The following DST variants were observed in gnomAD, a reference collection of about 807,000 sequenced individuals.
DST encodes the protein dystonin, also known as bullous pemphigoid antigen.
Under a neutral mutation model 875.2 loss-of-function variants are expected in DST, and 253 were observed. The ratio of observed to expected loss-of-function variants is 0.29; its 90% CI spans 0.26 to 0.32. The LOEUF (loss-of-function observed/expected upper bound fraction) is 0.32. DST is among the 10% of genes least tolerant of loss of function. The pLI, the probability that DST is intolerant of heterozygous loss-of-function variation, is 1.00. For synonymous variants in DST, 3,124 were observed against 3,197.1 expected (o/e 0.98, Z 0.77); for missense variants, 8,287 against 9,111.6 (o/e 0.91, Z 3.68).
Position 56,501,656 on chromosome 6 carries a change from A to C in DST, c.19604T>G (p.Met6535Arg). 1 of 1,607,400 alleles carries C rather than the reference A, an allele frequency of 6.2e-7. No homozygotes were observed. The highest frequency in any genetic ancestry group is 1.1e-5 in the South Asian group (1 of 89,756). ...CTCTGCTTGATGATTCAGTCTTTCC[A>C]TTTCTATCTGCTGTTGATAGGCCTC... ...KSEAYQQQIEMERLNHQAELL... is the reference protein window; with the variant it reads ...KSEAYQQQIERERLNHQAELL... The change falls in exon 79 of 104, where the codon ATG (methionine) becomes AGG (arginine). Residue 6535 changes from methionine (M) to arginine (R), a missense_variant. Around this residue, in one of 10 missense-constraint regions of DST, gnomAD observed 1,292 missense variants for 1,552.7 expected, o/e 0.83. Transcript: ENST00000680361.
At chr6:56,943,289 T>A (rs1817638667) in intron 2 of DST, among the ~76,000 whole-genome samples, 2 of 151,972 alleles carry the variant, frequency 1.3e-5, no homozygotes, top group South Asian at 4.2e-4. Context: ...TACGAAATAA[T>A]TCAGAATTAT....
At chr6:56,760,289 T>C (rs1191681310) in intron 4 of DST, among the ~76,000 whole-genome samples, 2 of 152,216 alleles carry the variant, frequency 1.3e-5, no homozygotes, top group African/African-American at 2.4e-5. Context: ...TTAAACAACT[T>C]TGAGAATGAA....
At chr6:56,665,279 A>C (rs1413629047) in intron 10 of DST, among the ~76,000 whole-genome samples, 1 of 152,202 alleles carries the variant, frequency 6.6e-6, no homozygotes, top group East Asian at 1.9e-4. Flanking sequence ...TCATTAATTA[A>C]GGTTAAATAA....
At position 56,640,130 on chromosome 6, in the gene DST, A is replaced by T; in HGVS notation, c.2490+13T>A. 2 of 1,613,754 alleles carry T rather than the reference A, an allele frequency of 1.2e-6. No homozygotes were observed. Among genetic ancestry groups the T allele is most frequent in the Non-Finnish European group, 1.7e-6 (2 of 1,179,708 alleles). ...AAGACTGAAACACTCAGGTAAAGTA[A>T]ACATTTTTTTACCTGCATCTCATCA... On this transcript the variant is annotated intron_variant, in intron 18 of 103. Transcript: ENST00000680361.
intron 80 of DST, among the ~76,000 whole-genome samples, chr6:56,500,690 G>A (rs539528344): frequency 6.6e-6 from 1 of 152,198 alleles, no homozygotes. Flanking sequence ...CATAAAACCT[G>A]CAGTAGGACA....
chr6:56,826,785 A>G (rs1364359866), intron 4 of DST, among the ~76,000 whole-genome samples: 2 of 152,196 alleles, frequency 1.3e-5, no homozygotes, highest in African/African-American at 4.8e-5. Context: ...GTCACGATAA[A>G]TATCTTTGCA....
intron 62 of DST, among the ~76,000 whole-genome samples, chr6:56,536,427 A>C (rs576132399): frequency 6.6e-6 from 1 of 152,358 alleles, no homozygotes; most frequent in South Asian, 2.1e-4. Flanking sequence ...AATATCTGGC[A>C]ACAGTGGGCC....
chr6:56,756,476 A>T (rs997879435), intron 4 of DST, among the ~76,000 whole-genome samples: 4 of 152,190 alleles, frequency 2.6e-5, no homozygotes, highest in African/African-American at 9.7e-5. Context: ...TCAGTGGCCC[A>T]CAAGGTGCCA....
chr6:56,857,126 C>T (rs1338228774), intron 3 of DST, among the ~76,000 whole-genome samples: 12 of 151,994 alleles, frequency 7.9e-5, no homozygotes, highest in Non-Finnish European at 7.4e-5. Flanking sequence ...ATCCTCCCAC[C>T]TCAACCTCTC....
intron 50 of DST, among the ~76,000 whole-genome samples, chr6:56,577,722 A>G (rs1199366888): frequency 6.6e-6 from 1 of 152,218 alleles, no homozygotes; most frequent in Non-Finnish European, 1.5e-5. Flanking sequence ...GAATATTTTT[A>G]CTTCACATAT....
intron 90 of DST, among the ~76,000 whole-genome samples, chr6:56,481,193 C>T (rs2095388793): frequency 6.6e-6 from 1 of 152,118 alleles, no homozygotes; most frequent in Non-Finnish European, 1.5e-5. Flanking sequence ...GTAATCCATG[C>T]TACACTAGAA....
chr6:56,556,608 A>G (rs1448531376), intron 59 of DST, among the ~76,000 whole-genome samples: 1 of 152,188 alleles, frequency 6.6e-6, no homozygotes, highest in South Asian at 2.1e-4. Context: ...ACAAAAACTT[A>G]TTTGAATTTT....
At chr6:56,670,843 G>C (rs1294161333) in intron 9 of DST, 36 bp from the exon 10 acceptor site, 3 of 1,453,812 alleles carry the variant, frequency 2.1e-6, no homozygotes, top group African/African-American at 1.4e-5. Flanking sequence ...CTTTAGGAAG[G>C]AAGGAAGCTA....
intron 3 of DST, among the ~76,000 whole-genome samples, chr6:56,899,001 AGGC>A (rs1792734002): frequency 6.6e-6 from 1 of 152,222 alleles, no homozygotes; most frequent in Non-Finnish European, 1.5e-5. Flanking sequence ...TGGGTTCTGG[AGGC>A]AGGCCACCTA....
At position 56,615,650 on chromosome 6, in the gene DST, G is replaced by A. The variant is rs775259710; in HGVS notation, c.4930-1166C>T. The A allele has an allele frequency of 7.4e-6, 12 of 1,613,948 alleles. No homozygotes were observed. The highest frequency in any genetic ancestry group is 3.3e-5 in the Admixed American group (2 of 59,972). Reference sequence around the variant, plus strand: ...ATATGTCAACTTTCTTTTTGTCTGAGGGCATATTATATTTCTGACATATGA... The same window carrying A: ...ATATGTCAACTTTCTTTTTGTCTGAAGGCATATTATATTTCTGACATATGA... On this transcript the variant is annotated intron_variant, in intron 36 of 103. Coordinates refer to ENST00000680361, the MANE Select transcript of DST (RefSeq NM_001374736.1).
Position 56,508,513 on chromosome 6 carries a change from G to A in DST, c.19239+16C>T. The A allele has an allele frequency of 6.3e-7, 1 of 1,594,806 alleles. No individual in the cohort carries two copies. The highest frequency in any genetic ancestry group is 8.6e-7 in the Non-Finnish European group (1 of 1,163,312). On this transcript the variant is annotated intron_variant, in intron 75 of 103. Transcript: ENST00000680361. Reference sequence around the variant, plus strand: ...ACAACTTATTTTTCTAACTTTAAATGAGATTTTCTGCTTACCTCTGCTGCT... The same window carrying A: ...ACAACTTATTTTTCTAACTTTAAATAAGATTTTCTGCTTACCTCTGCTGCT...
At chr6:56,542,801 C>G (rs572805621) in intron 61 of DST, 2 of 152,348 alleles carry the variant, frequency 1.3e-5, no homozygotes, top group African/African-American at 4.8e-5. Flanking sequence ...TCTCTTCAGG[C>G]ACCATCTGCT....
chr6:56,808,203 AAAGTCCAC>A (rs1561941310), intron 4 of DST, among the ~76,000 whole-genome samples: 1 of 152,102 alleles, frequency 6.6e-6, no homozygotes, highest in East Asian at 1.9e-4. Context: ...AAGCCCTAAC[AAAGTCCAC>A]AACTGTTTGT....
rs60018139 is a variant in DST, at chr6:56,934,560, TTATATA to T, written c.216+19219_216+19224del. On this transcript the variant is annotated intron_variant, in intron 2 of 103. Transcript: ENST00000680361. Reference sequence around the variant, plus strand: ...TAAAATATACATATTATATATTATATTATATATATATATATATATATATATATATCG... The same window carrying T: ...TAAAATATACATATTATATATTATATTATATATATATATATATATATATCG... Among the ~76,000 whole-genome samples, 784 of 106,478 alleles carry T rather than the reference TTATATA, an allele frequency of 7.4e-3. 16 individuals carry two copies. Among genetic ancestry groups the T allele is most frequent in the African/African-American group, 0.016 (466 of 28,394 alleles). 69.9% of individuals were successfully genotyped at this position (106,478 alleles called of 152,430 possible).
Sources: gnomAD v4.1 joint callset for allele counts (sites outside exome capture counted in the v4.1 genomes callset) on GRCh38, gnomAD v4.1.1 for gene constraint, gnomAD v4.1.1 regional missense constraint, MANE v1.5 for transcripts, NCBI Gene and HGNC (gene_info 2026-07-23, HGNC 2026-07-21) for gene names.